CTBP2: variants seen among roughly 807,000 people sequenced by gnomAD.
The protein encoded by CTBP2 is C-terminal-binding protein 2.
CTBP2 carries 30 observed loss-of-function variants against 80.3 expected under a neutral mutation model. The observed-to-expected ratio is 0.37, with a 90% CI of 0.28 to 0.51. The LOEUF (loss-of-function observed/expected upper bound fraction) is 0.51. Ranked by LOEUF, CTBP2 falls within the 20% of genes least tolerant of loss-of-function variation. CTBP2 has a pLI of 0.93. For missense variants in CTBP2, 1,212 were observed against 1,375.3 expected, an observed-to-expected ratio of 0.88 and a Z score of 1.88; for synonymous variants, 594 against 587.4, an observed-to-expected ratio of 1.01 and a Z score of -0.16.
rs1564742971 is a variant in CTBP2, at chr10:125,027,227, T to C, written c.533A>G (p.Gln178Arg). 5.0e-6 allele frequency: 8 copies of C among 1,613,216 alleles called. No homozygotes were observed. Among genetic ancestry groups the C allele is most frequent in the Non-Finnish European group, 6.8e-6 (8 of 1,179,824 alleles). ...GGGAGATGCAGCCCTGCTCTGTGTC[T>C]GCCGCCCCTGAGGGATCATTTTACC... The change falls in exon 1 of 9, where the codon CAG becomes CGG. Residue 178 changes from glutamine to arginine, a missense_variant. Physicochemically the swap from Gln to Arg is conservative, Grantham distance 43. Coordinates refer to ENST00000309035, the MANE Select transcript of CTBP2 (RefSeq NM_022802.3).
At chr10:125,015,876 G>A (rs114925981) in intron 1 of CTBP2, among the ~76,000 whole-genome samples, 2,100 of 152,360 alleles carry the variant, frequency 0.014, 48 homozygotes, top group African/African-American at 0.048. Context: ...GAGGCTGGGT[G>A]CTGGGCTGGC....
In CTBP2 at chr10:125,043,324, C is replaced by T. The variant is rs748827288; in HGVS notation, c.-101-4169G>A. ...GGTTAATTTTACTCAATGACCATCA[C>T]CAGCTCCTCGCCACCATCATGAGGT... On this transcript the variant is annotated intron_variant, in intron 2 of 10. Coordinates refer to the CTBP2 transcript ENST00000337195. Among the ~76,000 whole-genome samples the T allele has an allele frequency of 3.7e-4, 56 of 152,362 alleles. 1 individual carries two copies. The highest frequency in any genetic ancestry group is 2.8e-4 in the Non-Finnish European group (19 of 68,028).
In CTBP2 at chr10:125,026,278, C is replaced by T. The variant is rs781376464; in HGVS notation, c.1482G>A (p.Glu494=). ...GCAGCGGAGAGGCGGCCACGTTGCG[C>T]TCCCTCTTTAGCAGCTCCATGGGCA... The change falls in exon 1 of 9, where the codon GAG becomes GAA. Residue 494 remains glutamate (E), a synonymous_variant. Transcript: ENST00000309035. The T allele has an allele frequency of 6.2e-7, 1 of 1,613,924 alleles. No individual in the cohort carries two copies. Among genetic ancestry groups the T allele is most frequent in the South Asian group, 1.1e-5 (1 of 91,086 alleles).
intron 1 of CTBP2, among the ~76,000 whole-genome samples, chr10:125,017,624 T>C (rs1956622747): frequency 6.6e-6 from 1 of 152,250 alleles, no homozygotes; most frequent in Non-Finnish European, 1.5e-5. Context: ...TACATTCCAT[T>C]TAATCACACA....
intron 6 of CTBP2, 103 bp downstream of exon 8, chr10:124,993,752 C>T (rs1050585378): frequency 1.4e-6 from 2 of 1,389,918 alleles, no homozygotes; most frequent in South Asian, 1.4e-5. Flanking sequence ...GAGTTTCCTG[C>T]CCAGGGACCT....
intron 1 of CTBP2, among the ~76,000 whole-genome samples, chr10:125,007,306 G>A (rs772682707): frequency 3.1e-4 from 47 of 152,356 alleles, no homozygotes; most frequent in Admixed American, 5.2e-4. Context: ...CTGCCCCTCC[G>A]TCCGGGATGT....
At position 124,989,346 on chromosome 10, in the gene CTBP2, AGAC is replaced by A. The variant is rs1459918043; in HGVS notation, c.*169_*171del. 1.4e-4 allele frequency: 101 copies of A among 745,194 alleles called. 1 individual carries two copies. In the East Asian group the frequency reaches 2.5e-3, roughly 18 times the overall value. The allele number at this position is 745,194 out of a possible 1,614,324, so 46.2% of individuals were successfully genotyped here. On this transcript the variant is annotated 3_prime_UTR_variant, in exon 9 of 9. Transcript: ENST00000309035. ...CTAGTCTTTCAGCGCTTCCGTAAGC[AGAC>A]GACATCTTCAGTTTTCTAGCTCTTG...
At chr10:125,154,426 C>T (rs972938371) in intron 1 of CTBP2, among the ~76,000 whole-genome samples, 1 of 152,192 alleles carries the variant, frequency 6.6e-6, no homozygotes, top group African/African-American at 2.4e-5. Flanking sequence ...TTACCTAGGA[C>T]AAAAGTCACA....
At chr10:125,032,329 C>T (rs192253038), upstream of CTBP2, among the ~76,000 whole-genome samples, 1 of 152,350 alleles carries the variant, frequency 6.6e-6, no homozygotes, top group East Asian at 1.9e-4. Context: ...AAAGTCTCCA[C>T]CTCACCTCCA....
chr10:125,054,929 C>T (rs578024466), intron 2 of CTBP2, among the ~76,000 whole-genome samples: 1 of 152,198 alleles, frequency 6.6e-6, no homozygotes, highest in African/African-American at 2.4e-5. Flanking sequence ...AACGGAAAGT[C>T]TGCTGTTATG....
At chr10:125,060,366 G>A (rs1448658234) in intron 2 of CTBP2, among the ~76,000 whole-genome samples, 1 of 152,076 alleles carries the variant, frequency 6.6e-6, no homozygotes, top group Non-Finnish European at 1.5e-5. Context: ...TAAGTCACTC[G>A]TCATTATTTG....
intron 3 of CTBP2, among the ~76,000 whole-genome samples, chr10:125,037,125 TTC>T (rs2134944340): frequency 6.6e-6 from 1 of 152,360 alleles, no homozygotes; most frequent in South Asian, 2.1e-4. Context: ...TAATGCAAAC[TTC>T]TGTTATAAAA....
chr10:125,060,081 C>T (rs944619277), intron 2 of CTBP2, among the ~76,000 whole-genome samples: 2 of 152,174 alleles, frequency 1.3e-5, no homozygotes, highest in Admixed American at 6.5e-5. Context: ...CGGGCAGATT[C>T]GAACCGTCTA....
chr10:125,005,402 C>G, intron 1 of CTBP2: 1 of 751,400 alleles, frequency 1.3e-6, no homozygotes, highest in South Asian at 1.8e-5. Context: ...TGCACCCAGT[C>G]ACTCCTGCTG....
Position 125,003,109 on chromosome 10 carries a change from G to A in CTBP2, c.1834-5C>T, listed in dbSNP as rs551272100. 6 of 1,613,876 alleles carry A rather than the reference G, an allele frequency of 3.7e-6. No homozygotes were observed. Among genetic ancestry groups the A allele is most frequent in the African/African-American group, 1.3e-5 (1 of 75,074 alleles). ...GCCCACGGCTTCGTTTAGAACCTGC[G>A]TGGGAACAGAGCACAGGGTCGGAGC... On this transcript the variant is annotated splice_region_variant and splice_polypyrimidine_tract_variant and intron_variant, in intron 2 of 8. Transcript: ENST00000309035.
intron 1 of CTBP2, among the ~76,000 whole-genome samples, chr10:125,145,486 C>A (rs986348635): frequency 1.3e-5 from 2 of 152,160 alleles, no homozygotes; most frequent in Admixed American, 1.3e-4. Flanking sequence ...ATCTGCTGTC[C>A]CTTGGGGCAG....
chr10:125,082,641 G>C (rs1564876251), intron 2 of CTBP2, among the ~76,000 whole-genome samples: 1 of 148,170 alleles, frequency 6.7e-6, no homozygotes, highest in East Asian at 2.0e-4. Context: ...AGGCTAGAGT[G>C]AAGTGGCATG....
At chr10:125,002,901 C>T (rs1954722777) in intron 3 of CTBP2, 59 bp downstream of exon 5, 8 of 1,591,084 alleles carry the variant, frequency 5.0e-6, no homozygotes, top group African/African-American at 1.3e-5. Flanking sequence ...CAAGCCCACC[C>T]GAGCAGGGCC....
At chr10:125,160,726 G>T (rs1438449667), upstream of CTBP2, 1 of 90,116 alleles carries the variant, frequency 1.1e-5, no homozygotes, top group Non-Finnish European at 2.2e-5. Flanking sequence ...CGCCCACCCG[G>T]TTCCCAATTC....
Sources: allele counts gnomAD v4.1 joint callset (sites outside exome capture counted in the v4.1 genomes callset), GRCh38; gene constraint gnomAD v4.1.1; transcripts MANE v1.5; gene names NCBI Gene and HGNC (gene_info 2026-07-23, HGNC 2026-07-21).